Variants in FAAH2 observed in about 807,000 individuals in gnomAD.
FAAH2 encodes the protein fatty-acid amide hydrolase 2.
In FAAH2, 60 loss-of-function variants were observed where a neutral mutation model predicts 36.9. The observed-to-expected ratio is 1.63, with a 90% CI of 1.32 to 2.02. The LOEUF (loss-of-function observed/expected upper bound fraction) is 2.02, where lower values mean the gene tolerates loss of function less well. Ranked by LOEUF, FAAH2 falls within the 30% of genes most tolerant of loss-of-function variation. FAAH2 has a pLI of 0.00. For synonymous variants in FAAH2, 214 were observed against 143.8 expected (o/e 1.49, Z -3.49); for missense variants, 689 against 397.5 (o/e 1.73, Z -6.23).
At chrX:57,418,972 G>T (rs1266074544) in intron 7 of FAAH2, among the ~76,000 whole-genome samples, 1 of 102,656 alleles carries the variant, frequency 9.7e-6, no homozygotes, top group Non-Finnish European at 2.0e-5. Flanking sequence ...GCGGTGTTTG[G>T]TTTTTTGTCC....
chrX:57,180,638 A>AAAC, the FAAH2 span, among the ~76,000 whole-genome samples: 14 of 111,015 alleles, frequency 1.3e-4, no homozygotes, highest in Non-Finnish European at 9.5e-5. Context: ...CCTGCCAACC[A>AAAC]AACAACAACA....
At chrX:57,363,885 G>A (rs1002380473) in intron 5 of FAAH2, among the ~76,000 whole-genome samples, 2 of 110,322 alleles carry the variant, frequency 1.8e-5, no homozygotes, top group South Asian at 3.8e-4. Flanking sequence ...TGCATATGTT[G>A]AGCAATCTCT....
At chrX:57,158,345 A>G in the FAAH2 span, among the ~76,000 whole-genome samples, 1 of 112,185 alleles carries the variant, frequency 8.9e-6, no homozygotes, top group Admixed American at 9.4e-5. Context: ...ATGATTTATA[A>G]TCCTTTGGGT....
At chrX:57,245,117 G>A in the FAAH2 span, among the ~76,000 whole-genome samples, 1 of 111,309 alleles carries the variant, frequency 9.0e-6, no homozygotes, top group African/African-American at 3.3e-5. Flanking sequence ...AACCAACAAA[G>A]ATCAAAAGAG....
chrX:57,356,705 T>C, intron 5 of FAAH2, among the ~76,000 whole-genome samples: 1 of 111,308 alleles, frequency 9.0e-6, no homozygotes, highest in Non-Finnish European at 1.9e-5. Flanking sequence ...ACCCAGTTCT[T>C]AATTTTGTTG....
rs1347580870 is a variant in FAAH2 at position 57,441,170 on chromosome X, A to G, written c.1117-5758A>G. On this transcript the variant is annotated intron_variant, in intron 8 of 10. Transcript: ENST00000374900. ...TTTTTCTATTGATTGGAATAGTTTC[A>G]GAGGGAATGGTACTAGCTCCTCTTT... Among the ~76,000 whole-genome samples, 10 of 111,942 alleles carry G rather than the reference A, an allele frequency of 8.9e-5. No individual in the cohort carries two copies. In the East Asian group the frequency reaches 2.8e-3, roughly 31 times the overall value.
intron 5 of FAAH2, among the ~76,000 whole-genome samples, chrX:57,369,016 G>C (rs1470267346): frequency 9.2e-6 from 1 of 108,443 alleles, no homozygotes; most frequent in Non-Finnish European, 1.9e-5. Flanking sequence ...ATTGATCAAA[G>C]AGATACATAT....
At chrX:57,452,977 T>A (rs2056811247) in intron 10 of FAAH2, among the ~76,000 whole-genome samples, 1 of 111,970 alleles carries the variant, frequency 8.9e-6, no homozygotes, top group Non-Finnish European at 1.9e-5. Context: ...CAACTCCCAT[T>A]CTTTCCAGAC....
intron 8 of FAAH2, among the ~76,000 whole-genome samples, chrX:57,437,959 A>G (rs2056448296): frequency 9.6e-6 from 1 of 103,765 alleles, no homozygotes; most frequent in East Asian, 3.0e-4. Flanking sequence ...ATACACATAT[A>G]TACATACGTA....
chrX:57,270,628 G>A, the FAAH2 span, among the ~76,000 whole-genome samples: 27 of 111,736 alleles, frequency 2.4e-4, no homozygotes, highest in South Asian at 3.8e-4. Context: ...TCCAACTGAC[G>A]TACCCGGTTC....
intron 7 of FAAH2, among the ~76,000 whole-genome samples, chrX:57,428,668 T>C (rs979085019): frequency 8.9e-6 from 1 of 111,887 alleles, no homozygotes; most frequent in Non-Finnish European, 1.9e-5. Flanking sequence ...AAAGGGTTCT[T>C]GGAAAATTAG....
At chrX:57,382,980 G>T (rs779651172) in intron 7 of FAAH2, among the ~76,000 whole-genome samples, 2 of 111,143 alleles carry the variant, frequency 1.8e-5, no homozygotes, top group African/African-American at 6.6e-5. Flanking sequence ...TATCCACCAT[G>T]ATCAAGTGGG....
chrX:57,323,323 A>G (rs1276176195), intron 3 of FAAH2, among the ~76,000 whole-genome samples: 3 of 111,602 alleles, frequency 2.7e-5, no homozygotes, highest in Non-Finnish European at 5.6e-5. Flanking sequence ...TAGCAGCATG[A>G]TTTACAATCT....
chrX:57,347,424 C>A (rs1230843866), intron 5 of FAAH2, among the ~76,000 whole-genome samples: 1 of 110,518 alleles, frequency 9.0e-6, no homozygotes, highest in East Asian at 2.9e-4. Context: ...CTGTTTGGTT[C>A]TTTCTTTAAA....
the FAAH2 span, among the ~76,000 whole-genome samples, chrX:57,216,852 G>A: frequency 9.3e-6 from 1 of 106,988 alleles, no homozygotes; most frequent in Non-Finnish European, 1.9e-5. Context: ...TCTCCACACT[G>A]TTTTCCATAG....
chrX:57,177,577 AAT>A, the FAAH2 span, among the ~76,000 whole-genome samples: 5,949 of 34,530 alleles, frequency 0.17, 579 homozygotes, highest in Non-Finnish European at 0.24. Flanking sequence ...TCAAAATTTA[AAT>A]ATATATATAT....
the FAAH2 span, among the ~76,000 whole-genome samples, chrX:57,240,724 G>A: frequency 6.2e-5 from 7 of 112,170 alleles, no homozygotes; most frequent in East Asian, 2.8e-4. Context: ...CAGAAGCTGC[G>A]GGTGGTGCTT....
intron 7 of FAAH2, chrX:57,393,336 G>C: frequency 1.2e-6 from 1 of 821,627 alleles, no homozygotes; most frequent in East Asian, 3.1e-5. Flanking sequence ...TGCATCTTTA[G>C]AGCGCTGACA....
At chrX:57,323,506 C>A (rs2053099709) in intron 3 of FAAH2, among the ~76,000 whole-genome samples, 1 of 111,357 alleles carries the variant, frequency 9.0e-6, no homozygotes, top group Non-Finnish European at 1.9e-5. Context: ...TTGTTCCTGA[C>A]TTTTTAATGA....
Sources: allele counts gnomAD v4.1 joint callset (sites outside exome capture counted in the v4.1 genomes callset), GRCh38; gene constraint gnomAD v4.1.1; transcripts MANE v1.5; gene names NCBI Gene and HGNC (gene_info 2026-07-23, HGNC 2026-07-21).